Variants in MICAL3 observed in about 807,000 individuals in gnomAD.
The protein encoded by MICAL3 is microtubule associated monooxygenase, calponin and LIM domain containing 3, also known as [F-actin]-monooxygenase MICAL3.
In MICAL3, 62 loss-of-function variants were observed where a neutral mutation model predicts 207.4. The ratio of observed to expected loss-of-function variants is 0.30; its 90% CI spans 0.24 to 0.37. The LOEUF (loss-of-function observed/expected upper bound fraction) is 0.37. MICAL3 is among the 10% of genes least tolerant of loss of function. The pLI is 1.00. For missense variants in MICAL3, 2,368 were observed against 2,635.6 expected, an observed-to-expected ratio of 0.90 and a Z score of 2.22; for synonymous variants, 1,077 against 1,069.3, an observed-to-expected ratio of 1.01 and a Z score of -0.14.
chr22:17,924,415 C>A (rs1379649935), intron 1 of MICAL3, among the ~76,000 whole-genome samples: 1 of 152,170 alleles, frequency 6.6e-6, no homozygotes, highest in African/African-American at 2.4e-5. Flanking sequence ...AGCCAATGTA[C>A]TCTGTTCAAC....
Position 17,891,578 on chromosome 22 carries a change from C to T in MICAL3, c.1601G>A (p.Gly534Asp), listed in dbSNP as rs749040037. 9.3e-6 allele frequency: 15 copies of T among 1,613,880 alleles called. No individual in the cohort carries two copies. In the South Asian group the frequency reaches 1.2e-4, roughly 13 times the overall value. The change falls in exon 12 of 32, where the codon GGC (glycine) becomes GAC (aspartate). Residue 534 changes from glycine to aspartate, a missense_variant. Around this residue, in one of 4 missense-constraint regions of MICAL3, gnomAD observed 147 missense variants for 137.7 expected, o/e 1.07. Coordinates refer to ENST00000441493, the MANE Select transcript of MICAL3 (RefSeq NM_015241.3). Reference sequence around the variant, plus strand: ...ATCTGTCACGTTTACCCCTGCATAGCCATCTGTCTGCCTCTGGCACCAACC... The same window carrying T: ...ATCTGTCACGTTTACCCCTGCATAGTCATCTGTCTGCCTCTGGCACCAACC... ...LLGWCQRQTD[G>D]YAGVNVTDLT...
chr22:17,887,584 G>A, intron 13 of MICAL3, 149 bp from the exon 14 acceptor site: 1 of 579,390 alleles, frequency 1.7e-6, no homozygotes, highest in South Asian at 2.5e-5. Context: ...GGTCTCAGTA[G>A]GAAACGCCAC....
intron 1 of MICAL3, among the ~76,000 whole-genome samples, chr22:17,988,778 C>T (rs193066129): frequency 1.3e-5 from 2 of 152,124 alleles, no homozygotes; most frequent in African/African-American, 4.8e-5. Context: ...TTCTAAAGGG[C>T]TGGGGAAAAA....
At chr22:17,845,012 G>A (rs572134478) in intron 19 of MICAL3, among the ~76,000 whole-genome samples, 1 of 152,268 alleles carries the variant, frequency 6.6e-6, no homozygotes, top group African/African-American at 2.4e-5. Flanking sequence ...TAATGAACAG[G>A]GGAGGGCTGA....
chr22:17,953,652 C>T (rs995408885), intron 1 of MICAL3, among the ~76,000 whole-genome samples: 8 of 151,956 alleles, frequency 5.3e-5, no homozygotes, highest in Non-Finnish European at 1.0e-4. Context: ...GAAGACTGGC[C>T]GGGTGTGGTG....
chr22:17,913,772 G>A (rs940134450), intron 1 of MICAL3, among the ~76,000 whole-genome samples: 4 of 152,208 alleles, frequency 2.6e-5, no homozygotes, highest in Non-Finnish European at 4.4e-5. Context: ...GAACATCCAC[G>A]CAGCTGAGAA....
At chr22:17,845,510 TAG>T (rs899273793) in intron 19 of MICAL3, among the ~76,000 whole-genome samples, 1 of 151,806 alleles carries the variant, frequency 6.6e-6, no homozygotes, top group African/African-American at 2.4e-5. Flanking sequence ...TGGGAGAACA[TAG>T]AGAGAGTGAG....
intron 16 of MICAL3, among the ~76,000 whole-genome samples, chr22:17,885,582 T>C (rs954842662): frequency 2.0e-5 from 3 of 152,164 alleles, no homozygotes; most frequent in African/African-American, 7.2e-5. Flanking sequence ...AGAATTTAAA[T>C]ATGTCTGCAA....
chr22:17,848,814 G>C (rs904903136), intron 19 of MICAL3, among the ~76,000 whole-genome samples: 1 of 152,234 alleles, frequency 6.6e-6, no homozygotes, highest in Non-Finnish European at 1.5e-5. Flanking sequence ...TTATTCTCAG[G>C]CACCTGGTGC....
chr22:17,843,120 C>CAAAGA (rs1924234487), intron 19 of MICAL3, among the ~76,000 whole-genome samples: 1 of 62,916 alleles, frequency 1.6e-5, no homozygotes. Context: ...GACTTCATCT[C>CAAAGA]AAAAAAAAAA....
chr22:17,871,659 T>C (rs1927734161), intron 17 of MICAL3, among the ~76,000 whole-genome samples, 178 bp downstream of exon 17: 1 of 152,200 alleles, frequency 6.6e-6, no homozygotes, highest in Middle Eastern at 3.4e-3. Flanking sequence ...GAAATACTGA[T>C]AAGTAAGAGT....
chr22:17,818,008 C>A lies in MICAL3; in HGVS notation c.4653G>T (p.Pro1551=). 1 of 1,612,228 alleles carries A rather than the reference C, an allele frequency of 6.2e-7. No individual in the cohort carries two copies. Among genetic ancestry groups the A allele is most frequent in the South Asian group, 1.1e-5 (1 of 91,064 alleles). ...EKFFTPPSCW[P]RPEKPRHPPL... Reference sequence around the variant, plus strand: ...GCGGGTGGCGAGGCTTCTCGGGGCGCGGCCAGCAGGACGGGGGCGTGAAGA... The same window carrying A: ...GCGGGTGGCGAGGCTTCTCGGGGCGAGGCCAGCAGGACGGGGGCGTGAAGA... The change falls in exon 26 of 32, where the codon CCG becomes CCT. Residue 1551 remains proline (P), a synonymous_variant. Coordinates refer to ENST00000441493, the MANE Select transcript of MICAL3 (RefSeq NM_015241.3).
At chr22:17,939,661 A>G (rs1386834420) in intron 1 of MICAL3, among the ~76,000 whole-genome samples, 1 of 152,248 alleles carries the variant, frequency 6.6e-6, no homozygotes, top group African/African-American at 2.4e-5. Context: ...AATGATTTCC[A>G]AAGGAGCTAG....
intron 19 of MICAL3, chr22:17,864,620 A>G (rs767324370): frequency 6.4e-7 from 1 of 1,554,110 alleles, no homozygotes; most frequent in Non-Finnish European, 8.6e-7. Flanking sequence ...GAGGGACAGC[A>G]CTTCACGGCT....
intron 9 of MICAL3, 82 bp downstream of exon 9, chr22:17,896,164 G>A (rs919230157): frequency 1.4e-6 from 1 of 695,082 alleles, no homozygotes; most frequent in Non-Finnish European, 2.5e-6. Context: ...GAAGAAGGAA[G>A]AACTTGCACT....
intron 19 of MICAL3, chr22:17,864,469 T>C (rs1602085358): frequency 7.0e-6 from 10 of 1,422,664 alleles, no homozygotes; most frequent in Non-Finnish European, 9.2e-6. Flanking sequence ...TCAGAGGAGC[T>C]TGGAAGCAAA....
At chr22:17,986,261 G>A (rs138290360) in intron 1 of MICAL3, among the ~76,000 whole-genome samples, 1 of 152,290 alleles carries the variant, frequency 6.6e-6, no homozygotes, top group Non-Finnish European at 1.5e-5. Flanking sequence ...TGGCTTATGC[G>A]TGTAATCCCA....
intron 1 of MICAL3, among the ~76,000 whole-genome samples, chr22:17,988,009 G>A (rs1183805135): frequency 3.3e-5 from 5 of 152,178 alleles, no homozygotes; most frequent in African/African-American, 1.2e-4. Flanking sequence ...AGTCACAGCA[G>A]GGGGCACCTG....
At chr22:17,927,107 C>T (rs561796691) in intron 1 of MICAL3, among the ~76,000 whole-genome samples, 2 of 152,318 alleles carry the variant, frequency 1.3e-5, no homozygotes, top group South Asian at 4.1e-4. Flanking sequence ...CTTCCTCAGC[C>T]CATGGTTGTC....
Sources: allele counts gnomAD v4.1 joint callset (sites outside exome capture counted in the v4.1 genomes callset), GRCh38; gene constraint gnomAD v4.1.1; regional missense constraint gnomAD v4.1.1; transcripts MANE v1.5; gene names NCBI Gene and HGNC (gene_info 2026-07-23, HGNC 2026-07-21).